Variants in CACNA1C observed in about 807,000 individuals in gnomAD.
The protein encoded by CACNA1C is calcium voltage-gated channel subunit alpha1 C.
A neutral mutation model predicts 229.0 loss-of-function variants in CACNA1C; 30 were observed. That is an observed-to-expected ratio of 0.13 (90% confidence interval 0.10 to 0.18). The LOEUF is 0.18. CACNA1C is among the 10% of genes least tolerant of loss of function. CACNA1C has a pLI of 1.00. For missense variants in CACNA1C, 1,658 were observed against 2,845.0 expected, an observed-to-expected ratio of 0.58 and a Z score of 9.49; for synonymous variants, 1,114 against 1,132.5, an observed-to-expected ratio of 0.98 and a Z score of 0.33.
rs534996328 is a variant in CACNA1C at position 2,147,807 on chromosome 12, A to G, written c.477+27377A>G. Among the ~76,000 whole-genome samples the G allele has an allele frequency of 1.5e-3, 230 of 151,060 alleles. 7 individuals are homozygous for G. The highest frequency in any genetic ancestry group is 6.8e-3 in the Middle Eastern group (2 of 294). On this transcript the variant is annotated intron_variant, in intron 3 of 46. Coordinates refer to ENST00000399655, the MANE Select transcript of CACNA1C (RefSeq NM_000719.7). ...GATTTTGGGGGGGCAAATAGGCAGTAGGTTTTCACACCTTTTGAAAAACCC... is the reference window on the plus strand; with the variant it reads ...GATTTTGGGGGGGCAAATAGGCAGTGGGTTTTCACACCTTTTGAAAAACCC...
At chr12:2,650,882 C>A (rs2094890106) in intron 31 of CACNA1C, among the ~76,000 whole-genome samples, 2 of 152,170 alleles carry the variant, frequency 1.3e-5, no homozygotes, top group South Asian at 4.1e-4. Flanking sequence ...GCCCCTCTCC[C>A]TTCCAGGGTC....
intron 29 of CACNA1C, among the ~76,000 whole-genome samples, chr12:2,622,386 T>C (rs2083750758): frequency 6.6e-6 from 1 of 152,118 alleles, no homozygotes; most frequent in Admixed American, 6.5e-5. Context: ...ATCTGGGGTC[T>C]TCAGTGTGCA....
rs2094567561 is a variant in CACNA1C at position 2,648,457 on chromosome 12, A to G, written c.3913-18A>G. ...GGGAGACTCATTACAGCTTATCTCT[A>G]TCTGCCTTTCTTTAAAGCCAGCTGA... On this transcript the variant is annotated intron_variant, in intron 30 of 46. Transcript: ENST00000399655. The G allele has an allele frequency of 3.7e-6, 6 of 1,613,094 alleles. No individual in the cohort carries two copies. The African/African-American group carries it at 4.0e-5, about 11-fold the overall frequency.
At chr12:2,606,101 C>T (rs993146065) in intron 24 of CACNA1C, among the ~76,000 whole-genome samples, 1 of 152,174 alleles carries the variant, frequency 6.6e-6, no homozygotes, top group African/African-American at 2.4e-5. Context: ...TTGCTTAAAG[C>T]CTGCAGCGGT....
chr12:2,669,902 C>T (rs1325713090), intron 38 of CACNA1C, among the ~76,000 whole-genome samples: 1 of 152,192 alleles, frequency 6.6e-6, no homozygotes, highest in Non-Finnish European at 1.5e-5. Flanking sequence ...AGATAATCTG[C>T]TTGCTTTATG....
In CACNA1C at chr12:2,678,230, A is replaced by ATCAAGACTT. The variant is rs2096922237; in HGVS notation, c.5091+364_5091+372dup. 6.6e-6 allele frequency among the ~76,000 whole-genome samples: 1 copy of ATCAAGACTT among 152,188 alleles called. No individual in the cohort carries two copies. The highest frequency in any genetic ancestry group is 1.5e-5 in the Non-Finnish European group (1 of 68,024). ...TTGTTTTGTTTGTTAATATTTGAAA[A>ATCAAGACTT]TCAAGACTTCTGGCATTCTTTGGAA... On this transcript the variant is annotated intron_variant, in intron 41 of 46. Transcript: ENST00000399655. This position sits in a 1 kb window ranked among gnomAD's most constrained non-coding sequence, Gnocchi z 4.1.
intron 3 of CACNA1C, among the ~76,000 whole-genome samples, chr12:2,190,890 C>T (rs982266765): frequency 6.6e-6 from 1 of 152,190 alleles, no homozygotes; most frequent in African/African-American, 2.4e-5. Flanking sequence ...CCTTTTAAAC[C>T]CCTGAGTCTG....
rs779343958 is a variant in CACNA1C at position 2,688,694 on chromosome 12, T to C, written c.6032T>C (p.Val2011Ala). Residue 2011 changes from valine to alanine, a missense_variant, in exon 46 of 47, where the codon GTC becomes GCC. Transcript: ENST00000399655. Reference sequence around the variant, plus strand: ...GGGGGCAGCAGCGCCGCCCGGAGAGTCCGGCCCGTCTCCCTCATGGTGCCC... The same window carrying C: ...GGGGGCAGCAGCGCCGCCCGGAGAGCCCGGCCCGTCTCCCTCATGGTGCCC... ...GGGGSSAARR[V>A]RPVSLMVPSQ... 1 of 1,611,570 alleles carries C rather than the reference T, an allele frequency of 6.2e-7. No individual in the cohort carries two copies. Among genetic ancestry groups the C allele is most frequent in the Non-Finnish European group, 8.5e-7 (1 of 1,179,230 alleles).
At chr12:2,120,247 C>G (rs1340142169) in intron 2 of CACNA1C, 78 bp from the exon 3 acceptor site, 1 of 817,378 alleles carries the variant, frequency 1.2e-6, no homozygotes, top group African/African-American at 1.7e-5. Context: ...ATCTTTGATT[C>G]ATTTTAAAAA....
intron 6 of CACNA1C, among the ~76,000 whole-genome samples, chr12:2,489,447 A>C (rs1271559722): frequency 6.6e-6 from 1 of 152,160 alleles, no homozygotes; most frequent in East Asian, 1.9e-4. Context: ...CTAATCCCGG[A>C]GGCATCTGCA....
intron 5 of CACNA1C, among the ~76,000 whole-genome samples, chr12:2,480,605 A>T (rs148226869): frequency 6.6e-6 from 1 of 152,174 alleles, no homozygotes; most frequent in African/African-American, 2.4e-5. Flanking sequence ...AAATGAAGGT[A>T]TTGGGTTAGG....
At chr12:2,387,090 T>A (rs918376230) in intron 3 of CACNA1C, among the ~76,000 whole-genome samples, 1 of 152,236 alleles carries the variant, frequency 6.6e-6, no homozygotes, top group African/African-American at 2.4e-5. Flanking sequence ...TTCAATAACA[T>A]GCCAACATTA....
At chr12:2,062,424 G>A (rs1034895171) in intron 1 of CACNA1C, among the ~76,000 whole-genome samples, 1 of 152,144 alleles carries the variant, frequency 6.6e-6, no homozygotes, top group Non-Finnish European at 1.5e-5. Context: ...CAGGTCTGTC[G>A]GACTTTCAAA....
At chr12:2,355,038 T>A (rs1243306210) in intron 3 of CACNA1C, among the ~76,000 whole-genome samples, 1 of 152,110 alleles carries the variant, frequency 6.6e-6, no homozygotes, top group Admixed American at 6.6e-5. Context: ...TAACATTGTG[T>A]AAGGTTGGAT....
chr12:2,527,853 C>T (rs1173138954), intron 9 of CACNA1C, among the ~76,000 whole-genome samples: 1 of 152,108 alleles, frequency 6.6e-6, no homozygotes, highest in East Asian at 1.9e-4. Flanking sequence ...TCTGCATTGA[C>T]TAGGAAGCTA....
intron 29 of CACNA1C, among the ~76,000 whole-genome samples, chr12:2,616,706 G>A (rs114298994): frequency 0.022 from 3,322 of 152,354 alleles, 121 homozygotes; most frequent in African/African-American, 0.075. Context: ...TTGCCCTAGT[G>A]ACAGAAATCT....
At chr12:2,440,683 G>A (rs904627012) in intron 3 of CACNA1C, among the ~76,000 whole-genome samples, 27 of 152,198 alleles carry the variant, frequency 1.8e-4, no homozygotes, top group African/African-American at 6.0e-4. Flanking sequence ...AGAGACGGCC[G>A]TGCTTCAGCA....
intron 1 of CACNA1C, among the ~76,000 whole-genome samples, chr12:1,982,180 C>T (rs1007127014): frequency 2.0e-5 from 3 of 152,130 alleles, no homozygotes; most frequent in Non-Finnish European, 2.9e-5. Flanking sequence ...TTATGAATTG[C>T]TGGATTCAAT....
chr12:2,505,889 G>C (rs566105324), intron 8 of CACNA1C, among the ~76,000 whole-genome samples: 18 of 152,218 alleles, frequency 1.2e-4, no homozygotes, highest in African/African-American at 4.3e-4. Flanking sequence ...CTTGAGACTG[G>C]TCAGCTGCTT....
Sources: gnomAD v4.1 joint callset for allele counts (sites outside exome capture counted in the v4.1 genomes callset) on GRCh38, gnomAD v4.1.1 for gene constraint, Gnocchi (gnomAD v3.1) non-coding constraint, MANE v1.5 for transcripts, NCBI Gene and HGNC (gene_info 2026-07-23, HGNC 2026-07-21) for gene names.